Variants in BBX observed in about 807,000 individuals in gnomAD.
The protein encoded by BBX is BBX high mobility group box domain containing.
A neutral mutation model predicts 100.2 loss-of-function variants in BBX; 30 were observed. The ratio of observed to expected loss-of-function variants is 0.30; its 90% CI spans 0.22 to 0.41. The LOEUF (loss-of-function observed/expected upper bound fraction) is 0.41. BBX is among the 10% of genes least tolerant of loss of function. BBX has a pLI of 1.00. For synonymous variants in BBX, 376 were observed against 388.1 expected, an observed-to-expected ratio of 0.97 and a Z score of 0.37; for missense variants, 1,023 against 1,129.8, an observed-to-expected ratio of 0.91 and a Z score of 1.35.
chr3:107,747,355 T>C (rs900337870), intron 8 of BBX, among the ~76,000 whole-genome samples: 4 of 152,222 alleles, frequency 2.6e-5, no homozygotes, highest in Admixed American at 2.0e-4. Flanking sequence ...ACATCTTTTA[T>C]GGCTTATTTT....
intron 2 of BBX, chr3:107,641,976 A>G (rs1374022467): frequency 3.9e-5 from 6 of 152,272 alleles, no homozygotes; most frequent in Non-Finnish European, 7.4e-5. Flanking sequence ...CTTTCTCTAT[A>G]TGAAGATATT....
intron 2 of BBX, among the ~76,000 whole-genome samples, chr3:107,573,605 G>A (rs2051543280): frequency 6.6e-6 from 1 of 152,212 alleles, no homozygotes; most frequent in African/African-American, 2.4e-5. Context: ...AACATGTTAT[G>A]TGGGCTTTAA....
At chr3:107,643,448 G>C (rs1559910364) in intron 2 of BBX, among the ~76,000 whole-genome samples, 2 of 152,086 alleles carry the variant, frequency 1.3e-5, no homozygotes, top group Non-Finnish European at 2.9e-5. Flanking sequence ...CAGAGGCCTT[G>C]AAAAGGGAAA....
chr3:107,718,961 T>G (rs2062319057), intron 5 of BBX, among the ~76,000 whole-genome samples: 1 of 152,106 alleles, frequency 6.6e-6, no homozygotes. Flanking sequence ...AAGTGATTCC[T>G]ACTTGTTTCA....
intron 2 of BBX, among the ~76,000 whole-genome samples, chr3:107,547,346 T>G (rs1314778109): frequency 6.6e-6 from 1 of 152,196 alleles, no homozygotes; most frequent in Non-Finnish European, 1.5e-5. Flanking sequence ...AATGAAATCA[T>G]TGAACTTCAT....
At chr3:107,669,433 C>T (rs889992012) in intron 3 of BBX, among the ~76,000 whole-genome samples, 2 of 151,848 alleles carry the variant, frequency 1.3e-5, no homozygotes, top group African/African-American at 4.8e-5. Flanking sequence ...AGTTTGAGGC[C>T]AGGTTTTGAA....
chr3:107,676,320 A>T (rs567629406), intron 3 of BBX, among the ~76,000 whole-genome samples: 6 of 152,292 alleles, frequency 3.9e-5, no homozygotes, highest in African/African-American at 1.4e-4. Context: ...TATTTATGCT[A>T]CATTAATTGG....
chr3:107,771,959 A>G (rs1224417570), intron 10 of BBX, among the ~76,000 whole-genome samples: 1 of 152,144 alleles, frequency 6.6e-6, no homozygotes, highest in African/African-American at 2.4e-5. Flanking sequence ...CCAAACTCCA[A>G]AATACTGCCA....
intron 2 of BBX, among the ~76,000 whole-genome samples, chr3:107,602,159 A>G (rs1309806196): frequency 6.6e-6 from 1 of 152,218 alleles, no homozygotes. Context: ...GTTTCTGCTC[A>G]TTGACTATGT....
intron 2 of BBX, among the ~76,000 whole-genome samples, chr3:107,536,704 C>T (rs958355032): frequency 3.9e-5 from 6 of 152,058 alleles, no homozygotes; most frequent in Non-Finnish European, 8.8e-5. Flanking sequence ...GCTAGGGTAG[C>T]AGAAACTATA....
intron 3 of BBX, among the ~76,000 whole-genome samples, chr3:107,684,037 C>T (rs774076132): frequency 2.0e-5 from 3 of 152,166 alleles, no homozygotes; most frequent in Non-Finnish European, 2.9e-5. Flanking sequence ...AAAATAAGAG[C>T]CTTCCCATTA....
At chr3:107,690,095 AT>A (rs879728484) in intron 3 of BBX, among the ~76,000 whole-genome samples, 19 of 152,188 alleles carry the variant, frequency 1.2e-4, no homozygotes, top group Non-Finnish European at 1.9e-4. Context: ...AAGAAAATAT[AT>A]TTGGAACTTA....
intron 3 of BBX, among the ~76,000 whole-genome samples, chr3:107,651,290 A>G (rs1374340811): frequency 6.6e-6 from 1 of 152,234 alleles, no homozygotes; most frequent in Non-Finnish European, 1.5e-5. Flanking sequence ...TTCTAAAAAT[A>G]TCTTTGATAC....
chr3:107,534,650 C>T (rs1043302630), intron 2 of BBX, among the ~76,000 whole-genome samples: 5 of 152,062 alleles, frequency 3.3e-5, no homozygotes, highest in Non-Finnish European at 7.4e-5. Context: ...GTTTTTGAGT[C>T]CTTTTGGTAT....
At chr3:107,547,609 A>G (rs975210945) in intron 2 of BBX, among the ~76,000 whole-genome samples, 2 of 152,148 alleles carry the variant, frequency 1.3e-5, no homozygotes, top group Non-Finnish European at 2.9e-5. Context: ...GATATTAAAT[A>G]TAATATGTAC....
chr3:107,732,333 A>C (rs960362114), intron 6 of BBX, among the ~76,000 whole-genome samples: 1 of 152,202 alleles, frequency 6.6e-6, no homozygotes. Flanking sequence ...ATAACATAAA[A>C]AGCATTAATT....
At chr3:107,654,264 G>C (rs1461961933) in intron 3 of BBX, among the ~76,000 whole-genome samples, 1 of 152,114 alleles carries the variant, frequency 6.6e-6, no homozygotes, top group Non-Finnish European at 1.5e-5. Context: ...TGAAAGTTTA[G>C]TTCCTGTTAA....
chr3:107,709,250 G>A (rs1012943200), intron 3 of BBX, among the ~76,000 whole-genome samples: 14 of 152,136 alleles, frequency 9.2e-5, no homozygotes, highest in African/African-American at 3.1e-4. Context: ...AAACATTGGT[G>A]AATAATTTTT....
At chr3:107,538,197 G>GT (rs948528730) in intron 2 of BBX, among the ~76,000 whole-genome samples, 4 of 151,896 alleles carry the variant, frequency 2.6e-5, no homozygotes, top group African/African-American at 7.3e-5. Context: ...TAAGACTAGG[G>GT]TTTTTTTTAT....
Sources: gnomAD v4.1 joint callset for allele counts (sites outside exome capture counted in the v4.1 genomes callset) on GRCh38, gnomAD v4.1.1 for gene constraint, MANE v1.5 for transcripts, NCBI Gene and HGNC (gene_info 2026-07-23, HGNC 2026-07-21) for gene names.